The following FUNDC2 variants were observed in gnomAD, a reference collection of about 807,000 sequenced individuals.
The protein encoded by FUNDC2 is FUN14 domain-containing protein 2.
FUNDC2 carries 4 observed loss-of-function variants against 15.6 expected under a neutral mutation model. That is an observed-to-expected ratio of 0.26 (90% confidence interval 0.13 to 0.59). The LOEUF (loss-of-function observed/expected upper bound fraction) is 0.59, where lower values mean the gene tolerates loss of function less well. Ranked by LOEUF, FUNDC2 falls within the 20% of genes least tolerant of loss-of-function variation. The pLI, the probability that FUNDC2 is intolerant of heterozygous loss-of-function variation, is 0.90. For synonymous variants in FUNDC2, 44 were observed against 56.9 expected, an observed-to-expected ratio of 0.77 and a Z score of 1.02; for missense variants, 98 against 149.7, an observed-to-expected ratio of 0.65 and a Z score of 1.80.
Position 155,054,631 on chromosome X carries a change from G to T in FUNDC2, c.529G>T (p.Gly177Trp). The T allele has an allele frequency of 8.3e-7, 1 of 1,211,193 alleles. No individual in the cohort carries two copies. The highest frequency in any genetic ancestry group is 2.2e-5 in the Admixed American group (1 of 46,033). The change falls in exon 5 of 5, where the codon GGG (glycine) becomes TGG (tryptophan). Residue 177 changes from glycine (G) to tryptophan (W), a missense_variant. Coordinates refer to ENST00000369498, the MANE Select transcript of FUNDC2 (RefSeq NM_023934.4). ...SFVKKNVLVT[G>W]GFFGGFLLGM... is the part of the protein sequence containing the mutation. ...TGTGAAGAAGAATGTTCTAGTAACT[G>T]GGGGATTTTTCGGAGGCTTTCTGCT...
intron 3 of FUNDC2, 23 bp from the exon 4 acceptor site, chrX:155,051,647 T>C: frequency 1.7e-6 from 2 of 1,203,554 alleles, no homozygotes; most frequent in Non-Finnish European, 2.2e-6. Flanking sequence ...CATTTCTTGT[T>C]GTCATTATTG....
intron 1 of FUNDC2, among the ~76,000 whole-genome samples, chrX:155,027,882 G>A (rs1557288423): frequency 1.8e-5 from 2 of 111,750 alleles, no homozygotes; most frequent in African/African-American, 6.5e-5. Flanking sequence ...ATTCAGTAAT[G>A]TCATGCTCAC....
In FUNDC2 at chrX:155,057,020, GTATTGCAGGT is replaced by G. The variant is rs1311779821; in HGVS notation, c.*2350_*2359del. The G allele has an allele frequency of 9.8e-6, 1 of 102,128 alleles. No individual in the cohort carries two copies. The highest frequency in any genetic ancestry group is 4.5e-3 in the Middle Eastern group (1 of 222). The allele number at this position is 102,128 out of a possible 1,213,427, so 8.4% of individuals were successfully genotyped here. A position where few individuals can be genotyped will look rare whatever the true frequency, so the allele number is the denominator to read the frequency against. ...ACTGTGAGGGTCATGGTTGAGGTCA[GTATTGCAGGT>G]TGGCCTCATCCTGCTAGTATGAGAA... On this transcript the variant is annotated 3_prime_UTR_variant, in exon 5 of 5. Coordinates refer to ENST00000369498, the MANE Select transcript of FUNDC2 (RefSeq NM_023934.4).
rs781816032 is a variant in FUNDC2 at position 155,055,131 on chromosome X, A to G, written c.*459A>G. 2 of 298,600 alleles carry G rather than the reference A, an allele frequency of 6.7e-6. No individual in the cohort carries two copies. The highest frequency in any genetic ancestry group is 5.8e-6 in the Non-Finnish European group (1 of 171,058). 24.6% of individuals were successfully genotyped at this position (298,600 alleles called of 1,213,427 possible). ...GAAAGATTTTGGTATCTTGGTGTCT[A>G]CTTTCTTTTTTAGTTGGTTTTACAT... On this transcript the variant is annotated 3_prime_UTR_variant, in exon 5 of 5. Coordinates refer to ENST00000369498, the MANE Select transcript of FUNDC2 (RefSeq NM_023934.4).
At chrX:155,037,763 C>T (rs2073835979) in intron 2 of FUNDC2, among the ~76,000 whole-genome samples, 1 of 110,790 alleles carries the variant, frequency 9.0e-6, no homozygotes, top group Non-Finnish European at 1.9e-5. Context: ...GGATTATAGG[C>T]GTGAGCCACC....
intron 2 of FUNDC2, among the ~76,000 whole-genome samples, chrX:155,042,421 A>G (rs1364761215): frequency 5.5e-5 from 6 of 109,806 alleles, no homozygotes; most frequent in African/African-American, 2.0e-4. Flanking sequence ...TCCTGACCTC[A>G]GGTGATCCTC....
intron 1 of FUNDC2, 98 bp downstream of exon 1, chrX:155,027,169 C>T: frequency 2.2e-6 from 2 of 907,028 alleles, no homozygotes; most frequent in South Asian, 3.5e-5. Context: ...GACCGAGCTC[C>T]CCGGGGAGTC....
chrX:155,057,492 G>T lies in FUNDC2; in HGVS notation c.*2820G>T, dbSNP rs1160172843. The T allele has an allele frequency of 9.0e-6, 1 of 111,492 alleles. No homozygotes were observed. The highest frequency in any genetic ancestry group is 9.4e-5 in the Admixed American group (1 of 10,599). 9.2% of individuals were successfully genotyped at this position (111,492 alleles called of 1,213,427 possible). A position where few individuals can be genotyped will look rare whatever the true frequency, so the allele number is the denominator to read the frequency against. On this transcript the variant is annotated 3_prime_UTR_variant, in exon 5 of 5. Coordinates refer to ENST00000369498, the MANE Select transcript of FUNDC2 (RefSeq NM_023934.4). Reference sequence around the variant, plus strand: ...AGAGCGTTGTCGCTGTATATGGTCCGCAGAAACTTGACTTGGAATGTGTTC... The same window carrying T: ...AGAGCGTTGTCGCTGTATATGGTCCTCAGAAACTTGACTTGGAATGTGTTC...
chrX:155,029,766 A>G (rs1309745461), intron 1 of FUNDC2, among the ~76,000 whole-genome samples: 2 of 110,253 alleles, frequency 1.8e-5, no homozygotes, highest in African/African-American at 6.6e-5. Flanking sequence ...AAAAAAAAAA[A>G]AAAAGAAAAA....
chrX:155,042,387 A>G (rs1213799191), intron 2 of FUNDC2, among the ~76,000 whole-genome samples: 1 of 107,986 alleles, frequency 9.3e-6, no homozygotes, highest in Non-Finnish European at 1.9e-5. Context: ...GGGTTTCACC[A>G]TGTTGGCCAG....
At chrX:155,031,064 G>A (rs2124184575) in intron 1 of FUNDC2, among the ~76,000 whole-genome samples, 1 of 111,450 alleles carries the variant, frequency 9.0e-6, no homozygotes, top group South Asian at 3.7e-4. Flanking sequence ...TTTTTTTACA[G>A]TAAGTATTCA....
rs202177200 is a variant in FUNDC2, at chrX:155,054,578, C to A, written c.493-17C>A. On this transcript the variant is annotated splice_polypyrimidine_tract_variant and intron_variant, in intron 4 of 4. Transcript: ENST00000369498. ...ATCCTTAGCAAAACAACCCATTGTA[C>A]TATCTTCTGTTTTCAGGTGGTGTCA... 1 of 1,208,547 alleles carries A rather than the reference C, an allele frequency of 8.3e-7. No homozygotes were observed. The highest frequency in any genetic ancestry group is 1.8e-5 in the African/African-American group (1 of 57,077).
intron 3 of FUNDC2, chrX:155,047,414 G>A (rs1557290128): frequency 2.9e-6 from 1 of 342,562 alleles, no homozygotes; most frequent in Non-Finnish European, 5.9e-6. Flanking sequence ...TTAGCACCAT[G>A]ATTGGAGTGA....
chrX:155,047,004 C>G (rs999403897), intron 3 of FUNDC2: 4 of 208,852 alleles, frequency 1.9e-5, no homozygotes, highest in Admixed American at 6.3e-5. Context: ...AGTCAGATGT[C>G]GTCTGCTGTC....
intron 4 of FUNDC2, among the ~76,000 whole-genome samples, chrX:155,052,348 A>G (rs2073881690): frequency 8.9e-6 from 1 of 112,482 alleles, no homozygotes; most frequent in Non-Finnish European, 1.9e-5. Context: ...GCCAAGTTAG[A>G]TTATGACCTG....
At position 155,057,521 on chromosome X, in the gene FUNDC2, G is replaced by T. The variant is rs1018756151; in HGVS notation, c.*2849G>T. ...AAACTTGACTTGGAATGTGTTCGGG[G>T]TTTCATCGCCCCCTTGTGGCGGCGA... On this transcript the variant is annotated 3_prime_UTR_variant, in exon 5 of 5. Coordinates refer to ENST00000369498, the MANE Select transcript of FUNDC2 (RefSeq NM_023934.4). The T allele has an allele frequency of 2.7e-5, 3 of 111,700 alleles. No homozygotes were observed. 9.2% of individuals were successfully genotyped at this position (111,700 alleles called of 1,213,427 possible).
chrX:155,060,235 ACTGT>A lies in FUNDC2; in HGVS notation c.*5565_*5568del, dbSNP rs1272964930. On this transcript the variant is annotated 3_prime_UTR_variant, in exon 5 of 5. Coordinates refer to ENST00000369498, the MANE Select transcript of FUNDC2 (RefSeq NM_023934.4). ...GATTCCTAATGTAAATCCTAGTACA[ACTGT>A]CAACTGATAATTTTAAATGTAATTT... The A allele has an allele frequency of 8.9e-6, 1 of 112,341 alleles. No homozygotes were observed. Among genetic ancestry groups the A allele is most frequent in the Non-Finnish European group, 1.9e-5 (1 of 53,286 alleles). The allele number at this position is 112,341 out of a possible 1,213,427, so 9.3% of individuals were successfully genotyped here. A position where few individuals can be genotyped will look rare whatever the true frequency, so the allele number is the denominator to read the frequency against.
intron 2 of FUNDC2, among the ~76,000 whole-genome samples, chrX:155,039,622 G>C (rs1254738887): frequency 8.9e-6 from 1 of 111,911 alleles, no homozygotes; most frequent in Non-Finnish European, 1.9e-5. Flanking sequence ...GTGTGTTCTT[G>C]GCATCTTTGT....
At chrX:155,035,822 G>T (rs1557289124) in intron 2 of FUNDC2, among the ~76,000 whole-genome samples, 1 of 112,096 alleles carries the variant, frequency 8.9e-6, no homozygotes, top group African/African-American at 3.2e-5. Context: ...GAGATAATCT[G>T]TGCTTTTCTG....
Sources: allele counts gnomAD v4.1 joint callset (sites outside exome capture counted in the v4.1 genomes callset), GRCh38; gene constraint gnomAD v4.1.1; transcripts MANE v1.5; gene names NCBI Gene and HGNC (gene_info 2026-07-23, HGNC 2026-07-21).